The following UBL3 variants were observed in gnomAD, a reference collection of about 807,000 sequenced individuals.
UBL3 encodes the protein ubiquitin like 3, also known as ubiquitin-like protein 3.
In UBL3, 6 loss-of-function variants were observed where a neutral mutation model predicts 18.4. That is an observed-to-expected ratio of 0.33 (90% CI 0.18 to 0.64). The LOEUF is 0.64. Ranked by LOEUF, UBL3 falls within the 30% of genes least tolerant of loss-of-function variation. The pLI, the probability that UBL3 is intolerant of heterozygous loss-of-function variation, is 0.76. For synonymous variants in UBL3, 49 were observed against 46.6 expected (o/e 1.05, Z -0.21); for missense variants, 109 against 142.9 (o/e 0.76, Z 1.21).
At chr13:29,814,227 A>G (rs895697820) in intron 1 of UBL3, among the ~76,000 whole-genome samples, 3 of 152,074 alleles carry the variant, frequency 2.0e-5, no homozygotes, top group Admixed American at 1.3e-4. Context: ...AATTACTTCA[A>G]ATATCAAAAA....
intron 1 of UBL3, among the ~76,000 whole-genome samples, chr13:29,819,430 C>T (rs1052638419): frequency 5.3e-5 from 8 of 152,162 alleles, no homozygotes; most frequent in African/African-American, 1.7e-4. Context: ...GAAACAGTTA[C>T]CTGTGAATAC....
intron 1 of UBL3, among the ~76,000 whole-genome samples, chr13:29,823,917 C>T (rs1418505207): frequency 7.0e-6 from 1 of 141,894 alleles, no homozygotes; most frequent in African/African-American, 2.6e-5. Context: ...TTCAAGTGTT[C>T]TCATTGTTCA....
intron 1 of UBL3, among the ~76,000 whole-genome samples, chr13:29,811,002 G>T (rs1878064780): frequency 6.6e-6 from 1 of 152,108 alleles, no homozygotes; most frequent in Admixed American, 6.6e-5. Flanking sequence ...TGGTGGTACA[G>T]GTTAAAGTAC....
intron 1 of UBL3, among the ~76,000 whole-genome samples, chr13:29,833,410 G>T (rs1878834142): frequency 6.6e-6 from 1 of 152,148 alleles, no homozygotes; most frequent in African/African-American, 2.4e-5. Flanking sequence ...GCCCAAATTA[G>T]TGAGGAAAAT....
At chr13:29,818,030 C>T (rs1397246536) in intron 1 of UBL3, among the ~76,000 whole-genome samples, 1 of 152,200 alleles carries the variant, frequency 6.6e-6, no homozygotes, top group Non-Finnish European at 1.5e-5. Context: ...TCACAAATTG[C>T]ATTTAGTCCC....
At chr13:29,830,610 C>G (rs1047333395) in intron 1 of UBL3, among the ~76,000 whole-genome samples, 5 of 152,166 alleles carry the variant, frequency 3.3e-5, no homozygotes, top group Admixed American at 6.5e-5. Flanking sequence ...GAACCAACAG[C>G]CCTACTATTC....
intron 1 of UBL3, among the ~76,000 whole-genome samples, chr13:29,808,212 T>C (rs1593663834): frequency 6.6e-6 from 1 of 152,288 alleles, no homozygotes; most frequent in Non-Finnish European, 1.5e-5. Flanking sequence ...ATTTAATATA[T>C]AGCTAGCAAG....
chr13:29,781,611 C>T (rs1484373794), intron 1 of UBL3, among the ~76,000 whole-genome samples: 7 of 151,752 alleles, frequency 4.6e-5, no homozygotes, highest in East Asian at 1.9e-4. Flanking sequence ...TAGGGGAGGC[C>T]GTGCATGCAT....
rs1021334391 is a variant in UBL3 at position 29,764,684 on chromosome 13, A to G, written c.*2571T>C. The G allele has an allele frequency of 1.2e-4, 19 of 152,222 alleles. No homozygotes were observed. Among genetic ancestry groups the G allele is most frequent in the Non-Finnish European group, 2.9e-5 (2 of 68,048 alleles). 9.4% of individuals were successfully genotyped at this position (152,222 alleles called of 1,614,324 possible). ...CTTGGCCTTGTCCAGAACACTTAAC[A>G]AAGTTCAGGACAATTTAGGTAAAAG... On this transcript the variant is annotated 3_prime_UTR_variant, in exon 5 of 5. Coordinates refer to ENST00000380680, the MANE Select transcript of UBL3 (RefSeq NM_007106.4).
chr13:29,795,755 G>GAAAAAAAA (rs57782695), intron 1 of UBL3, among the ~76,000 whole-genome samples: 1 of 66,190 alleles, frequency 1.5e-5, no homozygotes, highest in Non-Finnish European at 2.8e-5. Context: ...CCTCATCTCA[G>GAAAAAAAA]AAAAAAAAAA....
At chr13:29,776,700 G>A (rs1410799553) in intron 2 of UBL3, among the ~76,000 whole-genome samples, 5 of 151,636 alleles carry the variant, frequency 3.3e-5, no homozygotes, top group African/African-American at 4.8e-5. Context: ...GTGAAACCCT[G>A]TTTCTACCAA....
chr13:29,772,557 A>G (rs892590100), intron 2 of UBL3, among the ~76,000 whole-genome samples: 12 of 152,144 alleles, frequency 7.9e-5, no homozygotes, highest in African/African-American at 2.9e-4. Flanking sequence ...ACATAGTATT[A>G]TAATGCTCCA....
At chr13:29,779,250 T>C (rs1877081472) in intron 1 of UBL3, 2 of 506,754 alleles carry the variant, frequency 3.9e-6, no homozygotes, top group Admixed American at 4.0e-5. Flanking sequence ...CACAGATACA[T>C]TACTACTCAT....
chr13:29,825,845 CTCT>C (rs1555234354), intron 1 of UBL3, among the ~76,000 whole-genome samples: 1 of 152,042 alleles, frequency 6.6e-6, no homozygotes, highest in Non-Finnish European at 1.5e-5. Flanking sequence ...TCATAGATAG[CTCT>C]TATTATTTTG....
chr13:29,834,874 C>G (rs1878877352), intron 1 of UBL3, among the ~76,000 whole-genome samples: 1 of 151,374 alleles, frequency 6.6e-6, no homozygotes, highest in South Asian at 2.1e-4. Flanking sequence ...CTTTCTCTAT[C>G]AATGAAATGA....
rs144035766 is a variant in UBL3, at chr13:29,771,410, A to C, written c.223+702T>G. Among the ~76,000 whole-genome samples the C allele has an allele frequency of 3.4e-3, 523 of 152,204 alleles. 1 individual carries two copies. Among genetic ancestry groups the C allele is most frequent in the African/African-American group, 0.012 (499 of 41,564 alleles). On this transcript the variant is annotated intron_variant, in intron 3 of 4. Coordinates refer to ENST00000380680, the MANE Select transcript of UBL3 (RefSeq NM_007106.4). ...TCTCCAATCATATATAAAGAACAAT[A>C]ATAGCTAACAATTAAGGTGTTTACT... is the stretch of plus-strand genomic sequence containing the variant.
chr13:29,836,580 T>C lies in UBL3; in HGVS notation c.27+12932A>G, dbSNP rs560405553. ...GATCCCTTAGAGAAGGGAAACACTTTGAAGATCTCCCTTCAATTCCCCCTT... is the reference window on the plus strand; with the variant it reads ...GATCCCTTAGAGAAGGGAAACACTTCGAAGATCTCCCTTCAATTCCCCCTT... On this transcript the variant is annotated intron_variant, in intron 1 of 4. Coordinates refer to ENST00000380680, the MANE Select transcript of UBL3 (RefSeq NM_007106.4). 3.3e-5 allele frequency among the ~76,000 whole-genome samples: 5 copies of C among 151,970 alleles called. No individual in the cohort carries two copies. In the East Asian group the frequency reaches 9.7e-4, roughly 30 times the overall value.
intron 3 of UBL3, among the ~76,000 whole-genome samples, chr13:29,771,856 T>TA (rs1254252176): frequency 6.6e-6 from 1 of 151,964 alleles, no homozygotes; most frequent in African/African-American, 2.4e-5. Flanking sequence ...ACGTTACATT[T>TA]AAAAAATAGT....
At chr13:29,792,644 C>T (rs1420712900) in intron 1 of UBL3, among the ~76,000 whole-genome samples, 2 of 152,322 alleles carry the variant, frequency 1.3e-5, no homozygotes, top group Admixed American at 6.5e-5. Flanking sequence ...CATGATCTCA[C>T]GTGCTCTTAA....
Sources: gnomAD v4.1 joint callset for allele counts (sites outside exome capture counted in the v4.1 genomes callset) on GRCh38, gnomAD v4.1.1 for gene constraint, MANE v1.5 for transcripts, NCBI Gene and HGNC (gene_info 2026-07-23, HGNC 2026-07-21) for gene names.